Variants in VWA8 observed in about 807,000 individuals in gnomAD.
VWA8 encodes the protein von Willebrand factor A domain containing 8, also known as von Willebrand factor A domain-containing protein 8.
A neutral mutation model predicts 241.5 loss-of-function variants in VWA8; 221 were observed. The observed-to-expected ratio is 0.91, with a 90% CI of 0.82 to 1.02. The LOEUF is 1.02. Among genes scored for constraint, VWA8 ranks in the 50% least tolerant of loss-of-function variants. The probability of loss-of-function intolerance (pLI) is 0.00; values close to 1 mark genes in which losing one functional copy is unlikely to be tolerated. For synonymous variants in VWA8, 852 were observed against 827.1 expected (o/e 1.03, Z -0.52); for missense variants, 2,322 against 2,328.7 (o/e 1.00, Z 0.06).
intron 37 of VWA8, among the ~76,000 whole-genome samples, chr13:41,625,876 T>C (rs1282066780): frequency 6.6e-6 from 1 of 151,644 alleles, no homozygotes; most frequent in African/African-American, 2.4e-5. Context: ...ATGTGGCACA[T>C]ATACACCATG....
At chr13:41,707,505 A>G (rs950108641) in intron 26 of VWA8, among the ~76,000 whole-genome samples, 31 of 152,340 alleles carry the variant, frequency 2.0e-4, no homozygotes, top group African/African-American at 7.0e-4. Flanking sequence ...ACAACTCTCA[A>G]AAATTCAACA....
chr13:41,606,940 G>A (rs1002421776), intron 39 of VWA8, among the ~76,000 whole-genome samples: 7 of 152,010 alleles, frequency 4.6e-5, no homozygotes, highest in Admixed American at 6.6e-5. Flanking sequence ...CATGAAACTC[G>A]CATACTTTAT....
chr13:41,907,841 T>G (rs1875799537), intron 3 of VWA8, 145 bp from the exon 4 acceptor site: 1 of 648,540 alleles, frequency 1.5e-6, no homozygotes, highest in African/African-American at 1.8e-5. Context: ...AATCTAAGTT[T>G]GAGAAAAAAG....
chr13:41,580,019 G>C (rs1433155002), intron 42 of VWA8, among the ~76,000 whole-genome samples: 4 of 149,046 alleles, frequency 2.7e-5, no homozygotes, highest in Non-Finnish European at 6.0e-5. Flanking sequence ...GCTAATTTTT[G>C]TATTTTTTTT....
At chr13:41,600,917 C>T (rs1443038424) in intron 40 of VWA8, among the ~76,000 whole-genome samples, 1 of 152,104 alleles carries the variant, frequency 6.6e-6, no homozygotes. Context: ...CACTTCTCAC[C>T]CGAATAACTG....
chr13:41,728,492 AGAG>A (rs973700649), intron 23 of VWA8, among the ~76,000 whole-genome samples: 2 of 152,088 alleles, frequency 1.3e-5, no homozygotes, highest in Non-Finnish European at 2.9e-5. Context: ...CAGAGAATGT[AGAG>A]GGTTGCCAGG....
chr13:41,605,450 A>T (rs2044547840), intron 39 of VWA8, among the ~76,000 whole-genome samples, 174 bp from the exon 40 acceptor site: 1 of 152,174 alleles, frequency 6.6e-6, no homozygotes, highest in African/African-American at 2.4e-5. Context: ...AAAGGAGGTA[A>T]CATCCAGTAG....
chr13:41,875,736 C>A (rs1267743260), intron 9 of VWA8, among the ~76,000 whole-genome samples: 1 of 151,984 alleles, frequency 6.6e-6, no homozygotes, highest in Non-Finnish European at 1.5e-5. Flanking sequence ...AGGAGTGGAA[C>A]TTTTTATTTT....
At chr13:41,574,866 TA>T (rs1213592202) in intron 43 of VWA8, among the ~76,000 whole-genome samples, 5 of 152,142 alleles carry the variant, frequency 3.3e-5, no homozygotes, top group Admixed American at 2.0e-4. Flanking sequence ...CTTAAAGAAC[TA>T]AAGTAGGTCT....
chr13:41,802,533 T>C (rs1870006540), intron 17 of VWA8, among the ~76,000 whole-genome samples: 1 of 152,230 alleles, frequency 6.6e-6, no homozygotes, highest in African/African-American at 2.4e-5. Flanking sequence ...GTGCTTGCAC[T>C]GTCCCTTCCT....
intron 17 of VWA8, among the ~76,000 whole-genome samples, chr13:41,791,137 A>G (rs1283600679): frequency 6.6e-6 from 1 of 151,882 alleles, no homozygotes; most frequent in African/African-American, 2.4e-5. Flanking sequence ...AAAAACAATA[A>G]AATACTTTAT....
At chr13:41,784,743 TATATATATATATATATATAC>T (rs1869099719) in intron 18 of VWA8, among the ~76,000 whole-genome samples, 37 of 94,932 alleles carry the variant, frequency 3.9e-4, no homozygotes, top group East Asian at 6.7e-4. Context: ...CACACATATA[TATATATATATATATATATAC>T]ACACACACAC....
chr13:41,630,540 C>A (rs1054974367), intron 37 of VWA8, among the ~76,000 whole-genome samples: 10 of 151,974 alleles, frequency 6.6e-5, no homozygotes, highest in African/African-American at 2.4e-4. Context: ...AAGCCACTCC[C>A]CCTCCCCTTC....
intron 37 of VWA8, among the ~76,000 whole-genome samples, chr13:41,632,075 T>C (rs904764892): frequency 2.0e-5 from 3 of 152,198 alleles, no homozygotes; most frequent in Non-Finnish European, 4.4e-5. Context: ...CAGACCTCCA[T>C]AGCCAAGGAA....
intron 4 of VWA8, among the ~76,000 whole-genome samples, chr13:41,904,491 CT>C (rs1875605990): frequency 6.6e-6 from 1 of 152,118 alleles, no homozygotes; most frequent in Admixed American, 6.5e-5. Flanking sequence ...ATCCCTCACT[CT>C]TATCTTCTCT....
chr13:41,568,588 G>A (rs2044277751), intron 44 of VWA8, among the ~76,000 whole-genome samples: 1 of 152,180 alleles, frequency 6.6e-6, no homozygotes, highest in South Asian at 2.1e-4. Context: ...TTTCTTTACT[G>A]CCATTTCTTG....
At chr13:41,853,540 G>A (rs747105569) in intron 12 of VWA8, among the ~76,000 whole-genome samples, 9 of 151,998 alleles carry the variant, frequency 5.9e-5, no homozygotes, top group South Asian at 2.1e-4. Context: ...TTTGATTACC[G>A]ATTCAATCTC....
intron 1 of VWA8, among the ~76,000 whole-genome samples, chr13:41,960,463 C>A (rs994861647): frequency 9.2e-5 from 14 of 152,220 alleles, no homozygotes; most frequent in Non-Finnish European, 1.9e-4. Context: ...GCTTCCAGGC[C>A]CTTGAGGCTC....
chr13:41,654,124 T>C (rs1367789703), intron 37 of VWA8, among the ~76,000 whole-genome samples: 1 of 152,054 alleles, frequency 6.6e-6, no homozygotes, highest in Non-Finnish European at 1.5e-5. Flanking sequence ...AACTAATAAA[T>C]GTCAAAGGAA....
Sources: gnomAD v4.1 joint callset for allele counts (sites outside exome capture counted in the v4.1 genomes callset) on GRCh38, gnomAD v4.1.1 for gene constraint, MANE v1.5 for transcripts, NCBI Gene and HGNC (gene_info 2026-07-23, HGNC 2026-07-21) for gene names.